The following MTCH2 variants were observed in gnomAD, a reference collection of about 807,000 sequenced individuals.
The protein encoded by MTCH2 is mitochondrial carrier 2, also known as mitochondrial carrier homolog 2.
A neutral mutation model predicts 50.6 loss-of-function variants in MTCH2; 25 were observed. That is an observed-to-expected ratio of 0.49 (90% confidence interval 0.36 to 0.69). The LOEUF (loss-of-function observed/expected upper bound fraction) is 0.69, where lower values mean the gene tolerates loss of function less well. Ranked by LOEUF, MTCH2 falls within the 30% of genes least tolerant of loss-of-function variation. MTCH2 has a pLI of 0.00. For missense variants in MTCH2, 273 were observed against 384.4 expected, an observed-to-expected ratio of 0.71 and a Z score of 2.42; for synonymous variants, 106 against 132.0, an observed-to-expected ratio of 0.80 and a Z score of 1.35.
At chr11:47,626,405 C>T (rs1337951850) in intron 10 of MTCH2, among the ~76,000 whole-genome samples, 1 of 150,916 alleles carries the variant, frequency 6.6e-6, no homozygotes, top group Non-Finnish European at 1.5e-5. Context: ...AACTCTTGGC[C>T]TCAAGTGATC....
intron 5 of MTCH2, 52 bp downstream of exon 5, chr11:47,634,620 A>AACACCACAGTTTGCT: frequency 7.2e-7 from 1 of 1,386,946 alleles, no homozygotes; most frequent in Non-Finnish European, 1.0e-6. Context: ...CCATAGTTGC[A>AACACCACAGTTTGCT]ACACCACAGT....
chr11:47,622,051 A>G (rs1481313049), intron 12 of MTCH2, among the ~76,000 whole-genome samples: 2 of 151,950 alleles, frequency 1.3e-5, no homozygotes, highest in Non-Finnish European at 2.9e-5. Context: ...TTCTGTAGCA[A>G]TGAGGTCTCA....
rs2097302697 is a variant in MTCH2 at position 47,631,192 on chromosome 11, T to G, written c.428-105A>C. On this transcript the variant is annotated intron_variant, in intron 6 of 12. Coordinates refer to ENST00000302503, the MANE Select transcript of MTCH2 (RefSeq NM_014342.4). The stretch of plus-strand genomic sequence containing the variant: ...GAGAGGCCGAGGTGGGCGGATCACC[T>G]GAGGTCAGGAGTTCAAGACTAGCCT... The G allele has an allele frequency of 5.4e-5, 46 of 855,894 alleles. No homozygotes were observed. The South Asian group carries it at 6.7e-4, about 13-fold the overall frequency. The allele number at this position is 855,894 out of a possible 1,614,324, so 53.0% of individuals were successfully genotyped here.
chr11:47,629,269 G>T, intron 8 of MTCH2: 1 of 503,986 alleles, frequency 2.0e-6, no homozygotes. Context: ...TGTTTAAAAT[G>T]CAGGTCGGCT....
intron 11 of MTCH2, among the ~76,000 whole-genome samples, chr11:47,623,879 C>T (rs572430205): frequency 3.3e-5 from 5 of 152,254 alleles, no homozygotes; most frequent in African/African-American, 1.2e-4. Flanking sequence ...TGGTGAAACA[C>T]TGTCTCTACT....
the MTCH2 span, among the ~76,000 whole-genome samples, chr11:47,611,058 A>G: frequency 1.3e-5 from 2 of 152,316 alleles, no homozygotes; most frequent in South Asian, 2.1e-4. Flanking sequence ...ACTGTTGTAC[A>G]TATGGTTTCA....
chr11:47,637,156 A>G (rs555052679), intron 3 of MTCH2, among the ~76,000 whole-genome samples: 5 of 152,064 alleles, frequency 3.3e-5, no homozygotes, highest in Non-Finnish European at 7.4e-5. Flanking sequence ...CGCCTGGCTA[A>G]CATCTGTATT....
chr11:47,605,531 T>C, the MTCH2 span, among the ~76,000 whole-genome samples: 2 of 152,208 alleles, frequency 1.3e-5, no homozygotes, highest in Non-Finnish European at 2.9e-5. Flanking sequence ...CTTTGAAATA[T>C]TAGCTTTTCA....
intron 7 of MTCH2, 84 bp downstream of exon 7, chr11:47,630,952 G>T (rs1321776838): frequency 1.8e-6 from 2 of 1,090,468 alleles, no homozygotes; most frequent in East Asian, 2.4e-5. Flanking sequence ...AATTGTAAGG[G>T]TATCATAAAA....
the MTCH2 span, among the ~76,000 whole-genome samples, chr11:47,605,168 T>C: frequency 6.6e-6 from 1 of 152,178 alleles, no homozygotes; most frequent in Non-Finnish European, 1.5e-5. Flanking sequence ...GACCTCGTGA[T>C]CCGCCCGCCT....
At chr11:47,639,682 T>A (rs2097312173) in intron 1 of MTCH2, among the ~76,000 whole-genome samples, 1 of 150,670 alleles carries the variant, frequency 6.6e-6, no homozygotes, top group Admixed American at 6.6e-5. Flanking sequence ...CTACTAGAAC[T>A]AAAAAATTAG....
chr11:47,635,651 C>G (rs1416664266), intron 3 of MTCH2, 80 bp from the exon 4 acceptor site: 3 of 1,362,022 alleles, frequency 2.2e-6, no homozygotes, highest in Non-Finnish European at 3.0e-6. Flanking sequence ...ACTCTACTGA[C>G]AGAAAGTAAA....
chr11:47,617,515 A>T lies in MTCH2; in HGVS notation c.*1318T>A, dbSNP rs1198048525. The T allele has an allele frequency of 6.6e-6, 1 of 152,600 alleles. No homozygotes were observed. The highest frequency in any genetic ancestry group is 1.5e-5 in the Non-Finnish European group (1 of 68,032). 9.5% of individuals were successfully genotyped at this position (152,600 alleles called of 1,614,324 possible). A position where few individuals can be genotyped will look rare whatever the true frequency, so the allele number is the denominator to read the frequency against. On this transcript the variant is annotated 3_prime_UTR_variant, in exon 13 of 13. Transcript: ENST00000302503. ...AGCTTCCTAAACCCCAGGGGAGGGA[A>T]GAGACCCCTGCATTCTCGTTCTGTC...
the MTCH2 span, among the ~76,000 whole-genome samples, chr11:47,610,201 C>T: frequency 1.3e-5 from 2 of 152,106 alleles, no homozygotes; most frequent in Non-Finnish European, 2.9e-5. Context: ...TCTAGGTGCT[C>T]ATTATATGGC....
the MTCH2 span, among the ~76,000 whole-genome samples, chr11:47,604,706 A>G: frequency 6.6e-6 from 1 of 152,248 alleles, no homozygotes; most frequent in Non-Finnish European, 1.5e-5. Context: ...ATGCATCCCT[A>G]CAAAAGAATG....
chr11:47,619,007 A>G, intron 12 of MTCH2, 88 bp from the exon 13 acceptor site: 1 of 1,158,210 alleles, frequency 8.6e-7, no homozygotes, highest in East Asian at 2.3e-5. Context: ...CAATTGGGAG[A>G]CGTGACTAAA....
At chr11:47,624,227 A>G (rs1321879825) in intron 11 of MTCH2, among the ~76,000 whole-genome samples, 1 of 145,830 alleles carries the variant, frequency 6.9e-6, no homozygotes, top group Non-Finnish European at 1.5e-5. Flanking sequence ...GTGAGACTCC[A>G]TCTCAAAAAA....
intron 3 of MTCH2, among the ~76,000 whole-genome samples, chr11:47,635,893 C>T (rs932515572): frequency 3.3e-5 from 5 of 151,368 alleles, no homozygotes; most frequent in Non-Finnish European, 4.4e-5. Flanking sequence ...TTTAGGAGGC[C>T]GAGGTGGGCA....
chr11:47,610,843 A>G, the MTCH2 span, among the ~76,000 whole-genome samples: 4,994 of 152,150 alleles, frequency 0.033, 281 homozygotes, highest in African/African-American at 0.11. Flanking sequence ...CCTGCCACCC[A>G]AGATCCCCAC....
Sources: allele counts gnomAD v4.1 joint callset (sites outside exome capture counted in the v4.1 genomes callset), GRCh38; gene constraint gnomAD v4.1.1; transcripts MANE v1.5; gene names NCBI Gene and HGNC (gene_info 2026-07-23, HGNC 2026-07-21).